Variants in STK32B observed in about 807,000 individuals in gnomAD.
The protein encoded by STK32B is serine/threonine-protein kinase 32B.
Under a neutral mutation model 52.6 loss-of-function variants are expected in STK32B, and 43 were observed. That is an observed-to-expected ratio of 0.82 (90% CI 0.64 to 1.05). STK32B has a LOEUF of 1.05. STK32B is among the 50% of genes least tolerant of loss of function. The pLI, the probability that STK32B is intolerant of heterozygous loss-of-function variation, is 0.00. For missense variants in STK32B, 621 were observed against 534.6 expected (o/e 1.16, Z -1.59); for synonymous variants, 238 against 204.3 (o/e 1.17, Z -1.41).
intron 3 of STK32B, among the ~76,000 whole-genome samples, chr4:5,284,093 A>G (rs945001817): frequency 3.3e-5 from 5 of 152,168 alleles, no homozygotes; most frequent in Non-Finnish European, 7.4e-5. Context: ...AAATTGTAAA[A>G]GAGGGAGAGG....
intron 3 of STK32B, among the ~76,000 whole-genome samples, chr4:5,231,426 C>T (rs150198929): frequency 0.03 from 4,507 of 152,088 alleles, 144 homozygotes; most frequent in South Asian, 0.07. Context: ...GCCTGGCCAA[C>T]GTGGCAAAAC....
chr4:5,238,726 C>T (rs1351706381), intron 3 of STK32B, among the ~76,000 whole-genome samples: 3 of 152,094 alleles, frequency 2.0e-5, no homozygotes, highest in Non-Finnish European at 4.4e-5. Context: ...GTAGGTGGGC[C>T]GTAATAAATT....
chr4:5,205,808 T>G, intron 3 of STK32B, among the ~76,000 whole-genome samples: 1 of 151,940 alleles, frequency 6.6e-6, no homozygotes, highest in African/African-American at 2.4e-5. Context: ...CTTGGGGAGA[T>G]ATCTGTTCTT....
chr4:5,353,544 TAA>T (rs138450850), intron 4 of STK32B, among the ~76,000 whole-genome samples: 51,087 of 142,028 alleles, frequency 0.36, 10,844 homozygotes, highest in African/African-American at 0.62. Context: ...AACTCAACAG[TAA>T]AAAAAAAAAA....
At chr4:5,473,190 G>A (rs1162445083) in intron 11 of STK32B, among the ~76,000 whole-genome samples, 1 of 152,202 alleles carries the variant, frequency 6.6e-6, no homozygotes, top group East Asian at 1.9e-4. Flanking sequence ...TCATCCAGTT[G>A]TTTGGCAGAT....
intron 2 of STK32B, among the ~76,000 whole-genome samples, chr4:5,148,418 A>G (rs1560177940): frequency 2.0e-5 from 3 of 151,790 alleles, no homozygotes; most frequent in African/African-American, 4.8e-5. Context: ...TTACACCCCC[A>G]AAATTTGATA....
At chr4:5,264,514 C>T (rs868013868) in intron 3 of STK32B, among the ~76,000 whole-genome samples, 5 of 152,074 alleles carry the variant, frequency 3.3e-5, no homozygotes, top group South Asian at 2.1e-4. Context: ...TGACTGGGCG[C>T]GGTGGCTCAC....
chr4:5,317,933 C>T (rs1485622076), intron 3 of STK32B, among the ~76,000 whole-genome samples: 1 of 152,046 alleles, frequency 6.6e-6, no homozygotes, highest in Admixed American at 6.6e-5. Flanking sequence ...TTAGAATTGC[C>T]AAATTTCAGG....
Position 5,394,565 on chromosome 4 carries a change from GAA to G in STK32B, c.435-3640_435-3639del. ...AGGCATCTGCCCAGCAGTCTCCTGTGAAAGAGACCTAATTTGCTAAAGGCTCA... is the reference window on the plus strand; with the variant it reads ...AGGCATCTGCCCAGCAGTCTCCTGTGAGAGACCTAATTTGCTAAAGGCTCA... On this transcript the variant is annotated intron_variant, in intron 4 of 11. Coordinates refer to ENST00000282908, the MANE Select transcript of STK32B (RefSeq NM_018401.3). This position sits in a 1 kb window ranked among gnomAD's most constrained non-coding sequence, Gnocchi z 4.2. Among the ~76,000 whole-genome samples, 1 of 152,362 alleles carries G rather than the reference GAA, an allele frequency of 6.6e-6. No individual in the cohort carries two copies. Among genetic ancestry groups the G allele is most frequent in the East Asian group, 1.9e-4 (1 of 5,194 alleles).
chr4:5,276,929 T>C (rs553778398), intron 3 of STK32B, among the ~76,000 whole-genome samples: 138 of 152,304 alleles, frequency 9.1e-4, no homozygotes, highest in Non-Finnish European at 1.7e-3. Flanking sequence ...AATTGAGTCA[T>C]ATAGAGGACA....
chr4:5,333,683 C>G (rs1227748466), intron 4 of STK32B, among the ~76,000 whole-genome samples: 1 of 152,154 alleles, frequency 6.6e-6, no homozygotes, highest in Non-Finnish European at 1.5e-5. Flanking sequence ...CCAGTTTCAG[C>G]TTTCTCCATA....
chr4:5,280,056 TCTTTA>T (rs1290314958), intron 3 of STK32B, among the ~76,000 whole-genome samples: 1 of 152,214 alleles, frequency 6.6e-6, no homozygotes, highest in Admixed American at 6.5e-5. Flanking sequence ...ATTTGGCTCT[TCTTTA>T]CTTATGCACA....
chr4:5,068,293 C>T (rs1204612824), intron 1 of STK32B, among the ~76,000 whole-genome samples: 2 of 152,206 alleles, frequency 1.3e-5, no homozygotes, highest in East Asian at 1.9e-4. Flanking sequence ...ATTCTTCCCC[C>T]GTCTGAGTCT....
intron 3 of STK32B, among the ~76,000 whole-genome samples, chr4:5,264,447 T>C (rs911846482): frequency 1.3e-5 from 2 of 151,948 alleles, no homozygotes; most frequent in African/African-American, 4.8e-5. Context: ...CTTTGTGAAG[T>C]ATATGTCTAA....
chr4:5,147,592 G>A (rs1577106441), intron 2 of STK32B, among the ~76,000 whole-genome samples: 1 of 151,934 alleles, frequency 6.6e-6, no homozygotes. Context: ...AAATTGAGCA[G>A]CTCCTTTTTA....
At chr4:5,076,372 T>G (rs1317139238) in intron 1 of STK32B, among the ~76,000 whole-genome samples, 1 of 152,180 alleles carries the variant, frequency 6.6e-6, no homozygotes, top group Non-Finnish European at 1.5e-5. Context: ...GGCATTTAGC[T>G]TATTCCTAGT....
At chr4:5,060,885 A>G (rs1742192702) in intron 1 of STK32B, among the ~76,000 whole-genome samples, 5 of 151,844 alleles carry the variant, frequency 3.3e-5, no homozygotes. Flanking sequence ...TGCCAGTTCT[A>G]TTTTTGCTCC....
At chr4:5,092,534 CAAA>C (rs527339612) in intron 1 of STK32B, among the ~76,000 whole-genome samples, 24 of 86,876 alleles carry the variant, frequency 2.8e-4, no homozygotes, top group African/African-American at 6.1e-4. Flanking sequence ...GACTCCGTCT[CAAA>C]AAAAAAAAAA....
At chr4:5,246,032 A>T in intron 3 of STK32B, among the ~76,000 whole-genome samples, 1 of 152,096 alleles carries the variant, frequency 6.6e-6, no homozygotes, top group Middle Eastern at 3.2e-3. Flanking sequence ...AACTTTGGTG[A>T]ATCTGACAAT....
Sources: gnomAD v4.1 joint callset for allele counts (sites outside exome capture counted in the v4.1 genomes callset) on GRCh38, gnomAD v4.1.1 for gene constraint, Gnocchi (gnomAD v3.1) non-coding constraint, MANE v1.5 for transcripts, NCBI Gene and HGNC (gene_info 2026-07-23, HGNC 2026-07-21) for gene names.